The following GATA2 variants were observed in gnomAD, a reference collection of about 807,000 sequenced individuals.
GATA2 encodes the protein GATA binding protein 2, also known as endothelial transcription factor GATA-2.
GATA2 carries 6 observed loss-of-function variants against 35.7 expected under a neutral mutation model. The ratio of observed to expected loss-of-function variants is 0.17; its 90% CI spans 0.09 to 0.33. The LOEUF is 0.33. GATA2 is among the 10% of genes least tolerant of loss of function. The probability of loss-of-function intolerance (pLI) is 1.00; values close to 1 mark genes in which losing one functional copy is unlikely to be tolerated. For synonymous variants in GATA2, 313 were observed against 274.9 expected, an observed-to-expected ratio of 1.14 and a Z score of -1.37; for missense variants, 541 against 656.6, an observed-to-expected ratio of 0.82 and a Z score of 1.92.
chr3:128,482,657 C>T (rs1482388145), intron 4 of GATA2, among the ~76,000 whole-genome samples: 1 of 152,178 alleles, frequency 6.6e-6, no homozygotes, highest in African/African-American at 2.4e-5. Flanking sequence ...TCCAGCCCCC[C>T]ATACCCCAAC....
intron 1 of GATA2, chr3:128,490,522 T>C (rs1027407515): frequency 6.6e-6 from 1 of 152,258 alleles, no homozygotes; most frequent in Non-Finnish European, 1.5e-5. Flanking sequence ...CCACCTCGGT[T>C]GCAGGTCCTG....
chr3:128,485,902 G>T lies in GATA2; in HGVS notation c.696C>A (p.Gly232=). Residue 232 remains glycine (G), a synonymous_variant, in exon 3 of 6, where the codon GGC becomes GGA. Transcript: ENST00000341105. ...KMESGSPLRP[G]LATMGTQPAT... ...CAGGCTGGGTGCCCATAGTAGCTAG[G>T]CCTGGGCGCAGGGGACTGCCACTTT... is the stretch of plus-strand genomic sequence containing the variant. The T allele has an allele frequency of 6.2e-7, 1 of 1,614,134 alleles. No homozygotes were observed. The highest frequency in any genetic ancestry group is 8.5e-7 in the Non-Finnish European group (1 of 1,179,998).
chr3:128,491,901 C>T (rs927325139), intron 1 of GATA2: 1 of 152,270 alleles, frequency 6.6e-6, no homozygotes, highest in Non-Finnish European at 1.5e-5. Flanking sequence ...GGCCGGCGGC[C>T]TGACAACTGG....
At chr3:128,484,117 C>G (rs1210024584) in intron 3 of GATA2, 112 bp from the exon 4 acceptor site, 1 of 1,384,836 alleles carries the variant, frequency 7.2e-7, no homozygotes, top group African/African-American at 1.4e-5. Context: ...CTCAGGCACA[C>G]GGTTGGCCTG....
rs906544124 is a variant in GATA2 at position 128,480,168 on chromosome 3, T to C, written c.*851A>G. On this transcript the variant is annotated 3_prime_UTR_variant, in exon 6 of 6. Coordinates refer to ENST00000341105, the MANE Select transcript of GATA2 (RefSeq NM_032638.5). ...GAGTTAAGCCTATGCATTTTTTTAA[T>C]ATTTTTTCTTTTGTCTCAGAGTAGG... The C allele has an allele frequency of 2.6e-5, 6 of 233,186 alleles. No homozygotes were observed. Among genetic ancestry groups the C allele is most frequent in the African/African-American group, 4.4e-5 (2 of 45,344 alleles). The allele number at this position is 233,186 out of a possible 1,614,324, so 14.4% of individuals were successfully genotyped here. A position where few individuals can be genotyped will look rare whatever the true frequency, so the allele number is the denominator to read the frequency against.
rs1175250743 is a variant in GATA2 at position 128,481,924 on chromosome 3, G to A, written c.1038C>T (p.Gly346=). The A allele has an allele frequency of 2.5e-6, 4 of 1,613,748 alleles. No homozygotes were observed. The highest frequency in any genetic ancestry group is 2.7e-5 in the African/African-American group (2 of 74,922). ...TCGTCTGACAATTTGCACAACAGGT[G>A]CCGGCTCTTCTGGCGGCCGACTGGG... ...KRRLSAARRA[G]TCCANCQTTT... The change falls in exon 5 of 6, where the codon GGC becomes GGT. Residue 346 remains glycine (G), a synonymous_variant. Transcript: ENST00000341105.
rs751200779 is a variant in GATA2 at position 128,486,846 on chromosome 3, G to A, written c.186C>T (p.Asn62=). ...AGACGCGCGCCCGCGCGTGAGCGGGGTTGGCATAGTAGGGGTTGCCCTGCG... is the reference window on the plus strand; with the variant it reads ...AGACGCGCGCCCGCGCGTGAGCGGGATTGGCATAGTAGGGGTTGCCCTGCG... ...LDSQGNPYYA[N]PAHARARVSY... Residue 62 remains asparagine (N), a synonymous_variant, in exon 2 of 6, where the codon AAC becomes AAT. Coordinates refer to ENST00000341105, the MANE Select transcript of GATA2 (RefSeq NM_032638.5). 6.2e-7 allele frequency: 1 copy of A among 1,612,004 alleles called. No individual in the cohort carries two copies. The highest frequency in any genetic ancestry group is 8.5e-7 in the Non-Finnish European group (1 of 1,179,424).
In GATA2 at chr3:128,486,103, G is replaced by C. The variant is rs887833751; in HGVS notation, c.495C>G (p.His165Gln). 1 of 1,613,380 alleles carries C rather than the reference G, an allele frequency of 6.2e-7. No individual in the cohort carries two copies. The highest frequency in any genetic ancestry group is 8.5e-7 in the Non-Finnish European group (1 of 1,179,890). ...SVASLTPTAA[H>Q]SGSHLFGFPP... The stretch of plus-strand genomic sequence containing the variant: ...GGAAGCCGAAAAGGTGGGAGCCAGA[G>C]TGGGCTGCTGTAGGGGTGAGGGAGG... Residue 165 changes from histidine (H) to glutamine (Q), a missense_variant, in exon 3 of 6, where the codon CAC becomes CAG. Physicochemically the swap from His to Gln is conservative, Grantham distance 24. This residue lies in a region of GATA2 where 389 missense variants were observed against 396.9 expected (regional missense o/e 0.98). Coordinates refer to ENST00000341105, the MANE Select transcript of GATA2 (RefSeq NM_032638.5).
rs61754578 is a variant in GATA2 at position 128,485,891 on chromosome 3, A to G, written c.707T>C (p.Met236Thr). 3.0e-5 allele frequency: 48 copies of G among 1,613,974 alleles called. No individual in the cohort carries two copies. The highest frequency in any genetic ancestry group is 4.0e-5 in the Non-Finnish European group (47 of 1,179,972). ...GSPLRPGLATMGTQPATHHPI... is the reference protein window; with the variant it reads ...GSPLRPGLATTGTQPATHHPI... Reference sequence around the variant, plus strand: ...GTGGTGTGTAGCAGGCTGGGTGCCCATAGTAGCTAGGCCTGGGCGCAGGGG... The same window carrying G: ...GTGGTGTGTAGCAGGCTGGGTGCCCGTAGTAGCTAGGCCTGGGCGCAGGGG... Residue 236 changes from methionine (M) to threonine (T), a missense_variant, in exon 3 of 6, where the codon ATG becomes ACG. Coordinates refer to ENST00000341105, the MANE Select transcript of GATA2 (RefSeq NM_032638.5).
chr3:128,484,651 ATT>A (rs11356859), intron 3 of GATA2, among the ~76,000 whole-genome samples: 1 of 150,054 alleles, frequency 6.7e-6, no homozygotes, highest in Non-Finnish European at 1.5e-5. Context: ...TTTTGTTTGT[ATT>A]TTTTTTTTCA....
chr3:128,480,919 G>A lies in GATA2; in HGVS notation c.*100C>T, dbSNP rs529564408. Reference sequence around the variant, plus strand: ...AGGAGAGGGGGTGCTGGGCCGAGCCGGGCTGGCAGGAGTGGTGTCGGCCTT... The same window carrying A: ...AGGAGAGGGGGTGCTGGGCCGAGCCAGGCTGGCAGGAGTGGTGTCGGCCTT... On this transcript the variant is annotated 3_prime_UTR_variant, in exon 6 of 6. Coordinates refer to ENST00000341105, the MANE Select transcript of GATA2 (RefSeq NM_032638.5). 2.8e-5 allele frequency: 38 copies of A among 1,346,252 alleles called. No homozygotes were observed. Among genetic ancestry groups the A allele is most frequent in the Middle Eastern group, 2.7e-4 (1 of 3,708 alleles). 83.4% of individuals were successfully genotyped at this position (1,346,252 alleles called of 1,614,324 possible). A position where few individuals can be genotyped will look rare whatever the true frequency, so the allele number is the denominator to read the frequency against.
intron 1 of GATA2, among the ~76,000 whole-genome samples, chr3:128,491,557 G>A (rs996959704): frequency 6.6e-5 from 10 of 152,186 alleles, no homozygotes; most frequent in Non-Finnish European, 1.2e-4. Context: ...CCTCCGGGGG[G>A]GTTCCCAAGG....
At chr3:128,481,577 C>T (rs367659411) in intron 5 of GATA2, among the ~76,000 whole-genome samples, 4 of 152,228 alleles carry the variant, frequency 2.6e-5, no homozygotes, top group Non-Finnish European at 5.9e-5. Context: ...TCCTCCCCCC[C>T]ACCCTGACCC....
At chr3:128,489,187 C>A (rs1451733641) in intron 1 of GATA2, 1 of 152,220 alleles carries the variant, frequency 6.6e-6, no homozygotes, top group Non-Finnish European at 1.5e-5. Context: ...GAGCCCCTGA[C>A]GTCACCCGAT....
Position 128,481,153 on chromosome 3 carries a change from T to C in GATA2, c.1309A>G (p.Met437Val). ...PFSAAALAGH[M>V]APVGHLPPFS... is the part of the protein sequence containing the mutation. ...GGCGGGAGGTGGCCCACAGGTGCCATGTGTCCAGCCAGGGCAGCTGCACTG... is the reference window on the plus strand; with the variant it reads ...GGCGGGAGGTGGCCCACAGGTGCCACGTGTCCAGCCAGGGCAGCTGCACTG... The change falls in exon 6 of 6, where the codon ATG (methionine) becomes GTG (valine). Residue 437 changes from methionine to valine, a missense_variant. Around this residue, in one of 5 missense-constraint regions of GATA2, gnomAD observed 95 missense variants for 114.0 expected, o/e 0.83. Transcript: ENST00000341105. 6.2e-7 allele frequency: 1 copy of C among 1,614,164 alleles called. No individual in the cohort carries two copies. The highest frequency in any genetic ancestry group is 8.5e-7 in the Non-Finnish European group (1 of 1,180,010).
At position 128,480,687 on chromosome 3, in the gene GATA2, T is replaced by TATTTTTGCCTTAGG. The variant is rs2068614413; in HGVS notation, c.*331_*332insCCTAAGGCAAAAAT. ...TGTTAGAAACAAGAGCAAAATAAAT[T>TATTTTTGCCTTAGG]ATTTTTGCCTAATCCTTTTTCCTTC... On this transcript the variant is annotated 3_prime_UTR_variant, in exon 6 of 6. Transcript: ENST00000341105. 2.9e-6 allele frequency: 1 copy of TATTTTTGCCTTAGG among 350,288 alleles called. No individual in the cohort carries two copies. The highest frequency in any genetic ancestry group is 4.3e-5 in the Admixed American group (1 of 23,104). 21.7% of individuals were successfully genotyped at this position (350,288 alleles called of 1,614,324 possible). A position where few individuals can be genotyped will look rare whatever the true frequency, so the allele number is the denominator to read the frequency against.
At position 128,481,846 on chromosome 3, in the gene GATA2, G is replaced by A. The variant is rs2107668624; in HGVS notation, c.1116C>T (p.Ala372=). ...TGTGCAGCTTGTAGTAGAGGCCACA[G>A]GCGTTGCAGACAGGGTCCCCGTTGG... ...RNANGDPVCN[A]CGLYYKLHNV... The change falls in exon 5 of 6, where the codon GCC becomes GCT. Residue 372 remains alanine, a synonymous_variant. Coordinates refer to ENST00000341105, the MANE Select transcript of GATA2 (RefSeq NM_032638.5). 6.2e-7 allele frequency: 1 copy of A among 1,614,138 alleles called. No homozygotes were observed. The highest frequency in any genetic ancestry group is 2.2e-5 in the East Asian group (1 of 44,870).
Position 128,481,137 on chromosome 3 carries a change from T to G in GATA2, c.1325A>C (p.His442Pro), listed in dbSNP as rs1009940359. ...ALAGHMAPVG[H>P]LPPFSHSGHI... is the part of the protein sequence containing the mutation. Reference sequence around the variant, plus strand: ...TCCGGAGTGGCTGAAGGGCGGGAGGTGGCCCACAGGTGCCATGTGTCCAGC... The same window carrying G: ...TCCGGAGTGGCTGAAGGGCGGGAGGGGGCCCACAGGTGCCATGTGTCCAGC... The change falls in exon 6 of 6, where the codon CAC becomes CCC. Residue 442 changes from histidine (H) to proline (P), a missense_variant. Physicochemically the swap from His to Pro is moderately conservative, Grantham distance 77 (BLOSUM62 -2). Transcript: ENST00000341105. The G allele has an allele frequency of 6.2e-7, 1 of 1,613,776 alleles. No individual in the cohort carries two copies. Among genetic ancestry groups the G allele is most frequent in the East Asian group, 2.2e-5 (1 of 44,862 alleles).
In GATA2 at chr3:128,480,512, G is replaced by A. The variant is rs1287985926; in HGVS notation, c.*507C>T. The stretch of plus-strand genomic sequence containing the variant: ...TTTGGCTCAGCCCAGCCTGGAGTTC[G>A]GCTATTTCAGAGAGGGAAGCCAGAG... On this transcript the variant is annotated 3_prime_UTR_variant, in exon 6 of 6. Coordinates refer to ENST00000341105, the MANE Select transcript of GATA2 (RefSeq NM_032638.5). 6.2e-5 allele frequency: 15 copies of A among 243,378 alleles called. No individual in the cohort carries two copies. The highest frequency in any genetic ancestry group is 1.0e-4 in the Non-Finnish European group (13 of 124,960). The allele number at this position is 243,378 out of a possible 1,614,324, so 15.1% of individuals were successfully genotyped here. A position where few individuals can be genotyped will look rare whatever the true frequency, so the allele number is the denominator to read the frequency against.
Sources: allele counts gnomAD v4.1 joint callset (sites outside exome capture counted in the v4.1 genomes callset), GRCh38; gene constraint gnomAD v4.1.1; regional missense constraint gnomAD v4.1.1; transcripts MANE v1.5; gene names NCBI Gene and HGNC (gene_info 2026-07-23, HGNC 2026-07-21).